Variants in CWC22 observed in about 807,000 individuals in gnomAD.
CWC22 encodes CWC22 spliceosome associated protein.
A neutral mutation model predicts 117.2 loss-of-function variants in CWC22; 53 were observed. The observed-to-expected ratio is 0.45, with a 90% confidence interval of 0.36 to 0.57. CWC22 has a LOEUF of 0.57. CWC22 is among the 20% of genes least tolerant of loss of function. CWC22 has a pLI of 0.00. For missense variants in CWC22, 980 were observed against 1,068.8 expected (o/e 0.92, Z 1.16); for synonymous variants, 360 against 355.6 (o/e 1.01, Z -0.14).
Position 179,973,695 on chromosome 2 carries a change from C to G in CWC22, c.689G>C (p.Gly230Ala), listed in dbSNP as rs1325413643. The G allele has an allele frequency of 6.2e-7, 1 of 1,610,782 alleles. No homozygotes were observed. The highest frequency in any genetic ancestry group is 8.5e-7 in the Non-Finnish European group (1 of 1,177,600). The part of the protein sequence containing the change: ...AIINSKFPQI[G>A]ELILKRLILN... ...AATTAACCTTTTGAGGATTAATTCTCCAATTTGTGGAAATTTTGAGTTGAT... is the reference window on the plus strand; with the variant it reads ...AATTAACCTTTTGAGGATTAATTCTGCAATTTGTGGAAATTTTGAGTTGAT... Residue 230 changes from glycine (G) to alanine (A), a missense_variant, in exon 7 of 20, where the codon GGA becomes GCA. Gly to Ala is a moderately conservative substitution (Grantham distance 60). This residue lies in a region of CWC22 where 559 missense variants were observed against 602.3 expected (regional missense o/e 0.93). Transcript: ENST00000410053.
intron 11 of CWC22, among the ~76,000 whole-genome samples, chr2:179,969,308 A>G (rs1686972587): frequency 6.6e-6 from 1 of 152,122 alleles, no homozygotes. Flanking sequence ...AAATGAAATT[A>G]TAACAGAAAA....
At chr2:179,957,844 A>G (rs952142562) in intron 14 of CWC22, among the ~76,000 whole-genome samples, 1 of 5,018 alleles carries the variant, frequency 2.0e-4, no homozygotes, top group Non-Finnish European at 4.4e-4. Flanking sequence ...ATACATTAGA[A>G]AAAAAAAAAC....
At chr2:179,963,549 A>G (rs1179511732) in intron 13 of CWC22, among the ~76,000 whole-genome samples, 2 of 151,194 alleles carry the variant, frequency 1.3e-5, no homozygotes. Context: ...TCACCGTGTT[A>G]GCCAGGATGG....
chr2:179,971,316 T>C lies in CWC22; in HGVS notation c.805-240A>G, dbSNP rs189365446. Among the ~76,000 whole-genome samples the C allele has an allele frequency of 3.5e-3, 530 of 152,284 alleles. 16 individuals are homozygous for C. The highest frequency in any genetic ancestry group is 4.1e-4 in the Non-Finnish European group (28 of 67,986). On this transcript the variant is annotated intron_variant, in intron 8 of 19. Transcript: ENST00000410053. Reference sequence around the variant, plus strand: ...TTTCAAAAATCTTAATTTTCTATGCTGAATACAACTATTTGAATTATCTTC... The same window carrying C: ...TTTCAAAAATCTTAATTTTCTATGCCGAATACAACTATTTGAATTATCTTC...
chr2:180,000,677 G>A (rs904903143), intron 1 of CWC22, among the ~76,000 whole-genome samples: 3 of 152,296 alleles, frequency 2.0e-5, no homozygotes, highest in Admixed American at 2.0e-4. Context: ...CAAGTACAGG[G>A]CTAGAAGTTG....
At chr2:179,980,851 A>T (rs1687268938) in intron 5 of CWC22, among the ~76,000 whole-genome samples, 1 of 152,188 alleles carries the variant, frequency 6.6e-6, no homozygotes, top group Admixed American at 6.5e-5. Flanking sequence ...CCAATCTTTT[A>T]ACTAGTTATC....
intron 19 of CWC22, among the ~76,000 whole-genome samples, chr2:179,949,645 A>C (rs1018793474): frequency 2.4e-4 from 36 of 152,196 alleles, no homozygotes; most frequent in Admixed American, 1.8e-3. Flanking sequence ...TGCACATCTT[A>C]TGACACACTG....
chr2:179,994,962 C>A (rs900889263), intron 1 of CWC22, among the ~76,000 whole-genome samples: 1 of 152,014 alleles, frequency 6.6e-6, no homozygotes, highest in African/African-American at 2.4e-5. Context: ...TGAAAAATTA[C>A]AAAAAATTAG....
rs190518124 is a variant in CWC22, at chr2:179,969,076, G to C, written c.1210+1425C>G. Among the ~76,000 whole-genome samples, 10 of 152,242 alleles carry C rather than the reference G, an allele frequency of 6.6e-5. No individual in the cohort carries two copies. The East Asian group carries it at 1.9e-3, about 29-fold the overall frequency. The stretch of plus-strand genomic sequence containing the variant: ...AAGGGATCCTGAGACGAAAGAATTT[G>C]AGAACTGCTATAATAAAAGAAAGTA... On this transcript the variant is annotated intron_variant, in intron 11 of 19. Transcript: ENST00000410053.
At chr2:180,005,689 C>G (rs1687953375) in intron 1 of CWC22, among the ~76,000 whole-genome samples, 1 of 152,218 alleles carries the variant, frequency 6.6e-6, no homozygotes, top group Non-Finnish European at 1.5e-5. Flanking sequence ...AACTCATCAA[C>G]TGTATCATAG....
chr2:179,966,470 G>A (rs1292183632), intron 11 of CWC22, among the ~76,000 whole-genome samples: 1 of 152,136 alleles, frequency 6.6e-6, no homozygotes, highest in African/African-American at 2.4e-5. Flanking sequence ...GAAATAAATA[G>A]TAATGAGATT....
intron 1 of CWC22, among the ~76,000 whole-genome samples, chr2:180,001,894 T>C (rs58896105): frequency 0.018 from 2,741 of 152,316 alleles, 92 homozygotes; most frequent in African/African-American, 0.062. Context: ...TATTTGCTCA[T>C]GAATTTATGT....
At chr2:180,000,766 A>G (rs1687827283) in intron 1 of CWC22, among the ~76,000 whole-genome samples, 1 of 152,190 alleles carries the variant, frequency 6.6e-6, no homozygotes, top group East Asian at 1.9e-4. Flanking sequence ...CTCTGTGTGG[A>G]GAGTAGACAG....
At chr2:179,964,670 T>C (rs1223402637) in intron 12 of CWC22, 42 bp from the exon 13 acceptor site, 4 of 1,025,196 alleles carry the variant, frequency 3.9e-6, no homozygotes, top group African/African-American at 3.2e-5. Flanking sequence ...CAAAAATAAA[T>C]GTGATGAAGT....
intron 2 of CWC22, among the ~76,000 whole-genome samples, chr2:179,989,830 A>C (rs1423783366): frequency 2.0e-5 from 3 of 152,176 alleles, no homozygotes; most frequent in Non-Finnish European, 4.4e-5. Flanking sequence ...CCATACTGTA[A>C]AGAAAAATAG....
At chr2:179,999,536 T>G (rs1419243739) in intron 1 of CWC22, among the ~76,000 whole-genome samples, 1 of 152,188 alleles carries the variant, frequency 6.6e-6, no homozygotes, top group Non-Finnish European at 1.5e-5. Context: ...AACTGTGAAT[T>G]CTGCAATCAT....
chr2:179,989,619 T>C (rs1465161378), intron 2 of CWC22, among the ~76,000 whole-genome samples: 3 of 152,088 alleles, frequency 2.0e-5, no homozygotes, highest in Non-Finnish European at 4.4e-5. Context: ...AATATACAAA[T>C]AAGTAACTTC....
intron 16 of CWC22, among the ~76,000 whole-genome samples, chr2:179,953,062 A>G (rs953027845): frequency 2.0e-5 from 3 of 152,146 alleles, no homozygotes; most frequent in African/African-American, 7.2e-5. Context: ...TAAAAACTGA[A>G]ATGCCTAAAG....
chr2:179,962,206 A>G (rs1277903195), intron 13 of CWC22, among the ~76,000 whole-genome samples: 1 of 152,192 alleles, frequency 6.6e-6, no homozygotes, highest in African/African-American at 2.4e-5. Context: ...CCATAACAGA[A>G]GGAAGATAAG....
Sources: gnomAD v4.1 joint callset for allele counts (sites outside exome capture counted in the v4.1 genomes callset) on GRCh38, gnomAD v4.1.1 for gene constraint, gnomAD v4.1.1 regional missense constraint, MANE v1.5 for transcripts, NCBI Gene and HGNC (gene_info 2026-07-23, HGNC 2026-07-21) for gene names.